Variants in PCDHGA9 observed in about 807,000 individuals in gnomAD.
PCDHGA9 encodes protocadherin gamma-A9.
Under a neutral mutation model 62.5 loss-of-function variants are expected in PCDHGA9, and 37 were observed. That is an observed-to-expected ratio of 0.59 (90% CI 0.46 to 0.78). The LOEUF is 0.78. Among genes scored for constraint, PCDHGA9 ranks in the 30% least tolerant of loss-of-function variants. The pLI is 0.00. For synonymous variants in PCDHGA9, 459 were observed against 484.6 expected (o/e 0.95, Z 0.69); for missense variants, 1,138 against 1,166.2 (o/e 0.98, Z 0.35).
intron 1 of PCDHGA9, among the ~76,000 whole-genome samples, chr5:141,445,945 C>G (rs1433543714): frequency 1.3e-5 from 2 of 152,254 alleles, no homozygotes; most frequent in Non-Finnish European, 2.9e-5. Flanking sequence ...TAAGCTTACT[C>G]TGGCTGCTAT....
In PCDHGA9 at chr5:141,490,658, T is replaced by A. The variant is rs776806248; in HGVS notation, c.2425-4149T>A. The A allele has an allele frequency of 8.1e-6, 13 of 1,614,204 alleles. No homozygotes were observed. The South Asian group carries it at 1.4e-4, about 18-fold the overall frequency. ...GAAAACCGGCCTCCGGGCTCCCTTC[T>A]TTGCACTGTGGCTGCCTCAGATCCA... On this transcript the variant is annotated intron_variant, in intron 1 of 3. Transcript: ENST00000573521. The surrounding 1 kb of genome is among the most constrained non-coding windows in gnomAD (Gnocchi z 5.4).
rs542548063 is a variant in PCDHGA9, at chr5:141,412,999, C to T, written c.2424+7623C>T. On this transcript the variant is annotated intron_variant, in intron 1 of 3. Coordinates refer to ENST00000573521, the MANE Select transcript of PCDHGA9 (RefSeq NM_018921.3). Reference sequence around the variant, plus strand: ...GCAGCCAGAGCTCAATCCGGATTCTCAGGGCTTCAACTACACAAGCCCCAC... The same window carrying T: ...GCAGCCAGAGCTCAATCCGGATTCTTAGGGCTTCAACTACACAAGCCCCAC... 150 of 588,234 alleles carry T rather than the reference C, an allele frequency of 2.6e-4. 1 individual carries two copies. In the South Asian group the frequency reaches 3.6e-3, roughly 14 times the overall value. 36.4% of individuals were successfully genotyped at this position (588,234 alleles called of 1,614,324 possible). A position where few individuals can be genotyped will look rare whatever the true frequency, so the allele number is the denominator to read the frequency against.
intron 1 of PCDHGA9, chr5:141,430,868 G>A (rs1414256124): frequency 6.3e-7 from 1 of 1,597,104 alleles, no homozygotes; most frequent in Admixed American, 1.8e-5. Context: ...TTCAGTTCCG[G>A]AAGAGCTGGA....
At position 141,431,108 on chromosome 5, in the gene PCDHGA9, T is replaced by C; in HGVS notation, c.2424+25732T>C. 1 of 1,614,180 alleles carries C rather than the reference T, an allele frequency of 6.2e-7. No homozygotes were observed. The highest frequency in any genetic ancestry group is 8.5e-7 in the Non-Finnish European group (1 of 1,180,032). On this transcript the variant is annotated intron_variant, in intron 1 of 3. Coordinates refer to ENST00000573521, the MANE Select transcript of PCDHGA9 (RefSeq NM_018921.3). This position sits in a 1 kb window ranked among gnomAD's most constrained non-coding sequence, Gnocchi z 4.8. ...TCTGATGGAGGATAAAGTGAAAATATATGGAGTAGAAGTAGAAGTAAGGGA... is the reference window on the plus strand; with the variant it reads ...TCTGATGGAGGATAAAGTGAAAATACATGGAGTAGAAGTAGAAGTAAGGGA...
At chr5:141,429,735 T>C (rs911956546) in intron 1 of PCDHGA9, among the ~76,000 whole-genome samples, 1 of 152,202 alleles carries the variant, frequency 6.6e-6, no homozygotes. Flanking sequence ...ACGTAGCCAG[T>C]TATTTCTTAG....
intron 1 of PCDHGA9, chr5:141,415,384 A>C: frequency 1.9e-6 from 3 of 1,614,180 alleles, no homozygotes; most frequent in Non-Finnish European, 2.5e-6. Flanking sequence ...AGGCGGCTTG[A>C]CAGGTGTGTC....
At position 141,477,966 on chromosome 5, in the gene PCDHGA9, G is replaced by T; in HGVS notation, c.2425-16841G>T. 1 of 1,614,118 alleles carries T rather than the reference G, an allele frequency of 6.2e-7. No individual in the cohort carries two copies. The highest frequency in any genetic ancestry group is 8.5e-7 in the Non-Finnish European group (1 of 1,180,036). On this transcript the variant is annotated intron_variant, in intron 1 of 3. Coordinates refer to ENST00000573521, the MANE Select transcript of PCDHGA9 (RefSeq NM_018921.3). This position sits in a 1 kb window ranked among gnomAD's most constrained non-coding sequence, Gnocchi z 4.9. ...AGTCTCTTGGGATCCCCTAACCAGA[G>T]CCTTTTTGCCATAGGGCTGCACACT...
rs1424221139 is a variant in PCDHGA9, at chr5:141,491,867, T to G, written c.2425-2940T>G. On this transcript the variant is annotated intron_variant, in intron 1 of 3. Coordinates refer to ENST00000573521, the MANE Select transcript of PCDHGA9 (RefSeq NM_018921.3). The surrounding 1 kb of genome is among the most constrained non-coding windows in gnomAD (Gnocchi z 6.9). ...TTGGACCGTTTGCGCGAAACCAGAG[T>G]GGCCGATTAAGGGATGGGGCTCCGA... 2 of 1,452,218 alleles carry G rather than the reference T, an allele frequency of 1.4e-6. No homozygotes were observed. The highest frequency in any genetic ancestry group is 1.8e-6 in the Non-Finnish European group (2 of 1,099,056). 90.0% of individuals were successfully genotyped at this position (1,452,218 alleles called of 1,614,324 possible).
At chr5:141,509,692 C>T (rs755446680) in intron 3 of PCDHGA9, among the ~76,000 whole-genome samples, 8 of 152,126 alleles carry the variant, frequency 5.3e-5, no homozygotes, top group Non-Finnish European at 1.0e-4. Context: ...TACAGTGGGA[C>T]GTTGGACTGG....
chr5:141,489,428 G>A lies in PCDHGA9; in HGVS notation c.2425-5379G>A, dbSNP rs561792279. The A allele has an allele frequency of 2.5e-5, 40 of 1,614,112 alleles. No homozygotes were observed. In the Middle Eastern group the frequency reaches 4.9e-4, roughly 20 times the overall value. ...AAGATGACAGATCTGTTGAGCCGGC[G>A]GCTGCAATTGGGCTCTGAGGAGAAT... On this transcript the variant is annotated intron_variant, in intron 1 of 3. Transcript: ENST00000573521. This position sits in a 1 kb window ranked among gnomAD's most constrained non-coding sequence, Gnocchi z 4.5.
intron 1 of PCDHGA9, among the ~76,000 whole-genome samples, chr5:141,455,290 T>C (rs551962783): frequency 5.3e-5 from 8 of 152,206 alleles, no homozygotes; most frequent in East Asian, 1.9e-4. Flanking sequence ...TCACTTTACA[T>C]AGTTTCATCT....
intron 1 of PCDHGA9, chr5:141,479,468 T>C (rs1473966646): frequency 1.3e-5 from 2 of 152,248 alleles, no homozygotes; most frequent in African/African-American, 4.8e-5. Context: ...TACAGTGACC[T>C]CTTGGGAGGG....
At chr5:141,421,913 T>C in intron 1 of PCDHGA9, 1 of 1,613,710 alleles carries the variant, frequency 6.2e-7, no homozygotes, top group Non-Finnish European at 8.5e-7. Context: ...GCAGTTCCCA[T>C]TCGTGTGGTG....
intron 1 of PCDHGA9, chr5:141,408,147 A>G (rs1357143790): frequency 6.7e-7 from 1 of 1,503,488 alleles, no homozygotes; most frequent in Non-Finnish European, 8.9e-7. Context: ...TTAGCGCGGT[A>G]GAGTGCACTT....
Position 141,485,337 on chromosome 5 carries a change from A to G in PCDHGA9, c.2425-9470A>G, listed in dbSNP as rs147409155. On this transcript the variant is annotated intron_variant, in intron 1 of 3. Transcript: ENST00000573521. The surrounding 1 kb of genome is among the most constrained non-coding windows in gnomAD (Gnocchi z 5.7). ...AATGTCGCTCAAGATTTCCTGCTGG[A>G]TACGGACAGTCTGTCAGCTCGCAGG... 4.3e-5 allele frequency: 70 copies of G among 1,614,012 alleles called. No individual in the cohort carries two copies. Among genetic ancestry groups the G allele is most frequent in the Non-Finnish European group, 5.7e-5 (67 of 1,180,016 alleles).
intron 1 of PCDHGA9, among the ~76,000 whole-genome samples, chr5:141,448,948 A>C (rs918513864): frequency 6.6e-6 from 1 of 152,170 alleles, no homozygotes; most frequent in African/African-American, 2.4e-5. Flanking sequence ...GCAACTCAAA[A>C]AAACAAACAA....
intron 1 of PCDHGA9, among the ~76,000 whole-genome samples, chr5:141,435,783 G>A (rs1273339025): frequency 6.6e-6 from 1 of 152,124 alleles, no homozygotes; most frequent in Non-Finnish European, 1.5e-5. Context: ...TAAAGGTGCA[G>A]GGAAACATAA....
intron 1 of PCDHGA9, chr5:141,408,845 T>C (rs560368079): frequency 1.9e-6 from 3 of 1,613,670 alleles, no homozygotes; most frequent in Non-Finnish European, 8.5e-7. Flanking sequence ...ATTGACTGCC[T>C]TGGACGGAGG....
chr5:141,423,117 G>T, intron 1 of PCDHGA9: 1 of 1,613,816 alleles, frequency 6.2e-7, no homozygotes, highest in Non-Finnish European at 8.5e-7. Flanking sequence ...TGCGTACAGC[G>T]CGGGCACTGC....
Sources: allele counts gnomAD v4.1 joint callset (sites outside exome capture counted in the v4.1 genomes callset), GRCh38; gene constraint gnomAD v4.1.1; non-coding constraint Gnocchi (gnomAD v3.1); transcripts MANE v1.5; gene names NCBI Gene and HGNC (gene_info 2026-07-23, HGNC 2026-07-21).